Variants in GAREM1 observed in about 807,000 individuals in gnomAD.
GAREM1 encodes the protein GRB2 associated regulator of MAPK1 subtype 1.
In GAREM1, 26 loss-of-function variants were observed where a neutral mutation model predicts 71.3. The observed-to-expected ratio is 0.36, with a 90% CI of 0.27 to 0.51. The LOEUF (loss-of-function observed/expected upper bound fraction) is 0.51. Among genes scored for constraint, GAREM1 ranks in the 20% least tolerant of loss-of-function variants. The pLI is 0.95. For missense variants in GAREM1, 1,026 were observed against 1,103.1 expected (o/e 0.93, Z 0.99); for synonymous variants, 440 against 433.2 (o/e 1.02, Z -0.20).
intron 3 of GAREM1, among the ~76,000 whole-genome samples, chr18:32,300,514 A>G (rs1263193873): frequency 6.6e-6 from 1 of 152,242 alleles, no homozygotes; most frequent in Non-Finnish European, 1.5e-5. Context: ...GTTTTCGAAG[A>G]CAAAACATGA....
At chr18:32,275,396 C>T (rs992216750) in intron 4 of GAREM1, among the ~76,000 whole-genome samples, 1 of 152,206 alleles carries the variant, frequency 6.6e-6, no homozygotes, top group African/African-American at 2.4e-5. Flanking sequence ...AACCCTCACG[C>T]TCAGTGAAGA....
At chr18:32,469,006 C>G (rs2049025188) in intron 1 of GAREM1, among the ~76,000 whole-genome samples, 1 of 130,328 alleles carries the variant, frequency 7.7e-6, no homozygotes, top group South Asian at 2.9e-4. Context: ...CTACTGTGAT[C>G]TGCACTTCAT....
chr18:32,425,879 T>C (rs1289895486), intron 1 of GAREM1, among the ~76,000 whole-genome samples: 2 of 152,208 alleles, frequency 1.3e-5, no homozygotes, highest in Non-Finnish European at 2.9e-5. Flanking sequence ...GACAGTTAAG[T>C]GGTCTCTTAA....
Position 32,270,303 on chromosome 18 carries a change from G to A in GAREM1, c.1647C>T (p.Ile549=), listed in dbSNP as rs1467056952. The change falls in exon 5 of 6, where the codon ATC becomes ATT. Residue 549 remains isoleucine, a synonymous_variant. Transcript: ENST00000269209. ...GCGCTGGCTTGACTGTGCGAGGAGGGATGGAGGGACTGGTGGACAAAGGCT... is the reference window on the plus strand; with the variant it reads ...GCGCTGGCTTGACTGTGCGAGGAGGAATGGAGGGACTGGTGGACAAAGGCT... The part of the protein sequence containing the change: ...SAKPLSTSPS[I]PPRTVKPARQ... 1.2e-6 allele frequency: 2 copies of A among 1,614,044 alleles called. 1 individual carries two copies. Among genetic ancestry groups the A allele is most frequent in the South Asian group, 2.2e-5 (2 of 91,036 alleles).
Position 32,470,210 on chromosome 18 carries a change from C to G in GAREM1, c.121+98G>C. 1 of 1,275,722 alleles carries G rather than the reference C, an allele frequency of 7.8e-7. No individual in the cohort carries two copies. The highest frequency in any genetic ancestry group is 1.0e-6 in the Non-Finnish European group (1 of 1,002,422). 79.0% of individuals were successfully genotyped at this position (1,275,722 alleles called of 1,614,324 possible). On this transcript the variant is annotated intron_variant, in intron 1 of 5. Transcript: ENST00000269209. The surrounding 1 kb of genome is among the most constrained non-coding windows in gnomAD (Gnocchi z 4.4). ...CTCCGGCGCTCAGGGGCGGGCAGCC[C>G]ACTCCCCGCGGGTCCCACCCTCTCC...
At chr18:32,430,428 G>A (rs541352932) in intron 1 of GAREM1, among the ~76,000 whole-genome samples, 4 of 152,210 alleles carry the variant, frequency 2.6e-5, no homozygotes, top group African/African-American at 9.6e-5. Flanking sequence ...GCAAGAGTAC[G>A]GATTCACAAA....
At chr18:32,290,944 C>T (rs2047077129) in intron 3 of GAREM1, among the ~76,000 whole-genome samples, 1 of 152,148 alleles carries the variant, frequency 6.6e-6, no homozygotes, top group African/African-American at 2.4e-5. Flanking sequence ...AGTCAAATAA[C>T]ATATGCATTT....
chr18:32,292,414 T>G (rs1162046520), intron 3 of GAREM1, among the ~76,000 whole-genome samples: 1 of 152,212 alleles, frequency 6.6e-6, no homozygotes, highest in Non-Finnish European at 1.5e-5. Flanking sequence ...AACTGTTTTT[T>G]AAATCAACAA....
rs558955947 is a variant in GAREM1, at chr18:32,465,653, T to TTATTGTGC, written c.121+4647_121+4654dup. ...GCAAACAGGGCCATTAACACATCTT[T>TTATTGTGC]TATTGTGCTAGACCAGCATTCTTTA... On this transcript the variant is annotated intron_variant, in intron 1 of 5. Transcript: ENST00000269209. Among the ~76,000 whole-genome samples the TTATTGTGC allele has an allele frequency of 8.5e-4, 129 of 152,322 alleles. 3 individuals are homozygous for TTATTGTGC. The South Asian group carries it at 0.025, about 29-fold the overall frequency.
At chr18:32,437,924 C>A (rs2048694657) in intron 1 of GAREM1, among the ~76,000 whole-genome samples, 1 of 152,166 alleles carries the variant, frequency 6.6e-6, no homozygotes, top group African/African-American at 2.4e-5. Context: ...TTTTATGACT[C>A]TCATGATGTT....
intron 2 of GAREM1, among the ~76,000 whole-genome samples, chr18:32,343,883 C>G (rs902559262): frequency 1.3e-5 from 2 of 152,090 alleles, no homozygotes; most frequent in Non-Finnish European, 2.9e-5. Flanking sequence ...CACAGGCACC[C>G]CCCACTCCCA....
intron 2 of GAREM1, among the ~76,000 whole-genome samples, chr18:32,376,928 A>G (rs1006099472): frequency 2.6e-5 from 4 of 152,216 alleles, no homozygotes; most frequent in Admixed American, 1.3e-4. Context: ...GGACACTTAC[A>G]TGATGTTTAG....
intron 2 of GAREM1, among the ~76,000 whole-genome samples, chr18:32,355,005 T>C (rs2047790324): frequency 6.6e-6 from 1 of 152,184 alleles, no homozygotes; most frequent in Non-Finnish European, 1.5e-5. Flanking sequence ...GCTGTGTACC[T>C]ATGCCGAAGA....
chr18:32,314,045 T>C (rs1238419515), intron 2 of GAREM1, among the ~76,000 whole-genome samples: 1 of 151,660 alleles, frequency 6.6e-6, no homozygotes, highest in East Asian at 1.9e-4. Context: ...TACATTTGAA[T>C]ATACAGTATG....
chr18:32,364,024 ATATGTT>A (rs2047901651), intron 2 of GAREM1, among the ~76,000 whole-genome samples: 3 of 52,222 alleles, frequency 5.7e-5, no homozygotes, highest in African/African-American at 4.6e-4. Context: ...ATATATATAT[ATATGTT>A]TTTTTTTTTT....
At chr18:32,395,537 C>T (rs139349501) in intron 1 of GAREM1, among the ~76,000 whole-genome samples, 12 of 152,308 alleles carry the variant, frequency 7.9e-5, no homozygotes, top group African/African-American at 2.6e-4. Context: ...AACAAACATT[C>T]ATTCATTATC....
chr18:32,429,992 A>T (rs925365151), intron 1 of GAREM1, among the ~76,000 whole-genome samples: 1 of 152,256 alleles, frequency 6.6e-6, no homozygotes, highest in African/African-American at 2.4e-5. Context: ...GTAACATGAA[A>T]CTGAAGGACA....
intron 2 of GAREM1, among the ~76,000 whole-genome samples, chr18:32,377,322 G>C (rs568306891): frequency 6.6e-6 from 1 of 152,080 alleles, no homozygotes; most frequent in Non-Finnish European, 1.5e-5. Context: ...TTGAGTCTCC[G>C]CCAGGCATCA....
intron 4 of GAREM1, among the ~76,000 whole-genome samples, chr18:32,273,027 T>C (rs1458816280): frequency 1.8e-4 from 27 of 152,228 alleles, no homozygotes; most frequent in South Asian, 2.1e-4. Flanking sequence ...GGAATATCTA[T>C]AGAATTTAGG....
Sources: allele counts gnomAD v4.1 joint callset (sites outside exome capture counted in the v4.1 genomes callset), GRCh38; gene constraint gnomAD v4.1.1; non-coding constraint Gnocchi (gnomAD v3.1); transcripts MANE v1.5; gene names NCBI Gene and HGNC (gene_info 2026-07-23, HGNC 2026-07-21).